PATZ1: variants seen among roughly 807,000 people sequenced by gnomAD.
The protein encoded by PATZ1 is POZ/BTB and AT hook containing zinc finger 1.
In PATZ1, 9 loss-of-function variants were observed where a neutral mutation model predicts 46.2. The observed-to-expected ratio is 0.19, with a 90% CI of 0.12 to 0.34. The LOEUF is 0.34. PATZ1 is among the 10% of genes least tolerant of loss of function. The pLI is 1.00. For synonymous variants in PATZ1, 426 were observed against 378.6 expected (o/e 1.13, Z -1.45); for missense variants, 632 against 923.0 (o/e 0.68, Z 4.08).
At chr22:31,344,256 C>T (rs762710439) in intron 1 of PATZ1, 76 bp downstream of exon 1, 7 of 1,345,666 alleles carry the variant, frequency 5.2e-6, no homozygotes, top group South Asian at 1.4e-5. Flanking sequence ...AAATCCCACA[C>T]CCCCAGATCT....
chr22:31,346,026 G>GGC lies in PATZ1; in HGVS notation c.-426_-425dup, dbSNP rs531925519. The GGC allele has an allele frequency of 0.012, 2,140 of 174,018 alleles. 50 individuals are homozygous for GGC. Among genetic ancestry groups the GGC allele is most frequent in the African/African-American group, 0.046 (1,948 of 41,948 alleles). The allele number at this position is 174,018 out of a possible 1,614,324, so 10.8% of individuals were successfully genotyped here. A position where few individuals can be genotyped will look rare whatever the true frequency, so the allele number is the denominator to read the frequency against. On this transcript the variant is annotated 5_prime_UTR_variant, in exon 1 of 5. Coordinates refer to ENST00000266269, the MANE Select transcript of PATZ1 (RefSeq NM_014323.3). ...AGGAGAAGGAGGGGTCCGCCGCGCAGGCGCGCGCGCGCGCCGCGGCTTTTC... is the reference window on the plus strand; with the variant it reads ...AGGAGAAGGAGGGGTCCGCCGCGCAGGCGCGCGCGCGCGCGCCGCGGCTTTTC...
chr22:31,341,722 C>T (rs778258771), intron 2 of PATZ1: 1 of 1,567,272 alleles, frequency 6.4e-7, no homozygotes, highest in East Asian at 2.2e-5. Context: ...CCCCCCCAGG[C>T]CACCGGGCTT....
chr22:31,331,322 C>T (rs188325737), intron 3 of PATZ1, among the ~76,000 whole-genome samples: 4 of 151,124 alleles, frequency 2.6e-5, no homozygotes, highest in Non-Finnish European at 2.9e-5. Flanking sequence ...ATGATGATAC[C>T]ACTTTAGAAG....
At position 31,345,523 on chromosome 22, in the gene PATZ1, A is replaced by G; in HGVS notation, c.80T>C (p.Leu27Pro). The G allele has an allele frequency of 6.2e-7, 1 of 1,613,324 alleles. No individual in the cohort carries two copies. The highest frequency in any genetic ancestry group is 8.5e-7 in the Non-Finnish European group (1 of 1,179,866). ...YQVSRHSTEMLHNLNQQRKNG... is the reference protein window; with the variant it reads ...YQVSRHSTEMPHNLNQQRKNG... Reference sequence around the variant, plus strand: ...TTTGCGCTGCTGGTTCAGGTTGTGCAGCATCTCCGTGCTGTGTCTGCTCAC... The same window carrying G: ...TTTGCGCTGCTGGTTCAGGTTGTGCGGCATCTCCGTGCTGTGTCTGCTCAC... Residue 27 changes from leucine (L) to proline (P), a missense_variant, in exon 1 of 5, where the codon CTG (leucine) becomes CCG (proline). This residue lies in a region of PATZ1 where 19 missense variants were observed against 71.4 expected (regional missense o/e 0.27). Coordinates refer to ENST00000266269, the MANE Select transcript of PATZ1 (RefSeq NM_014323.3). This position sits in a 1 kb window ranked among gnomAD's most constrained non-coding sequence, Gnocchi z 7.4.
At chr22:31,341,358 C>T (rs1159280599) in intron 2 of PATZ1, 3 of 1,506,606 alleles carry the variant, frequency 2.0e-6, no homozygotes, top group Admixed American at 2.3e-5. Context: ...AGGCCAAATG[C>T]CCCTCCTGTT....
chr22:31,343,202 C>A, intron 1 of PATZ1: 1 of 1,267,170 alleles, frequency 7.9e-7, no homozygotes, highest in South Asian at 1.9e-5. Flanking sequence ...GATTTTGCCT[C>A]CCCACTCCCT....
intron 2 of PATZ1, chr22:31,340,569 G>A (rs996302920): frequency 1.2e-5 from 6 of 502,170 alleles, no homozygotes; most frequent in Non-Finnish European, 1.6e-5. Context: ...CAGCAGGTCT[G>A]TGAGAGTGTA....
intron 3 of PATZ1, among the ~76,000 whole-genome samples, chr22:31,333,476 CTTTTTTTTT>C: frequency 7.8e-6 from 1 of 128,754 alleles, no homozygotes; most frequent in Middle Eastern, 4.1e-3. Flanking sequence ...TATCCTCTTC[CTTTTTTTTT>C]TTTTTTTTTT....
intron 3 of PATZ1, among the ~76,000 whole-genome samples, chr22:31,333,217 T>C (rs1421854008): frequency 6.6e-6 from 1 of 152,210 alleles, no homozygotes; most frequent in Non-Finnish European, 1.5e-5. Context: ...TATAGGTAGA[T>C]ACTTAAGTCA....
In PATZ1 at chr22:31,341,521, G is replaced by A. The variant is rs776505850; in HGVS notation, c.1335+1376C>T. ...GTGTTGCTGGAGTGTGCTGGGCCCA[G>A]GTTTTCAAGGGCTGGGAATGATTTT... On this transcript the variant is annotated intron_variant, in intron 2 of 4. Transcript: ENST00000266269. The A allele has an allele frequency of 8.1e-6, 13 of 1,613,986 alleles. No individual in the cohort carries two copies. The Admixed American group carries it at 2.0e-4, about 25-fold the overall frequency.
intron 2 of PATZ1, chr22:31,340,916 T>A (rs2049571770): frequency 9.4e-7 from 1 of 1,066,596 alleles, no homozygotes; most frequent in Non-Finnish European, 1.1e-6. Flanking sequence ...AAGCAGGATC[T>A]AGATCTGAGT....
chr22:31,346,237 G>GGGCAGC lies in PATZ1; in HGVS notation c.-636_-635insGCTGCC, dbSNP rs2049659743. The GGGCAGC allele has an allele frequency of 6.5e-6, 1 of 154,896 alleles. No homozygotes were observed. The highest frequency in any genetic ancestry group is 6.7e-5 in the Admixed American group (1 of 14,938). 9.6% of individuals were successfully genotyped at this position (154,896 alleles called of 1,614,324 possible). A position where few individuals can be genotyped will look rare whatever the true frequency, so the allele number is the denominator to read the frequency against. On this transcript the variant is annotated 5_prime_UTR_variant, in exon 1 of 5. Transcript: ENST00000266269. ...GGCGGCGGCGGCGGCTGGAGCGGGC[G>GGGCAGC]GGCGGCGGCGGCGGCAGAGTAGGCC...
intron 2 of PATZ1, chr22:31,341,155 C>T (rs1601494936): frequency 8.3e-7 from 1 of 1,204,554 alleles, no homozygotes. Flanking sequence ...CCCAGGGGTG[C>T]CATCTGTGAA....
chr22:31,337,545 G>A (rs2049526861), intron 2 of PATZ1: 1 of 152,208 alleles, frequency 6.6e-6, no homozygotes, highest in African/African-American at 2.4e-5. Flanking sequence ...AGAATATTGG[G>A]AAAGCCCTGA....
At chr22:31,341,814 G>C (rs1366879873) in intron 2 of PATZ1, 2 of 754,758 alleles carry the variant, frequency 2.6e-6, no homozygotes, top group Non-Finnish European at 4.2e-6. Flanking sequence ...TCTGTGATGA[G>C]AGAATCAGAG....
In PATZ1 at chr22:31,344,783, T is replaced by C. The variant is rs201619813; in HGVS notation, c.820A>G (p.Asn274Asp). The C allele has an allele frequency of 2.5e-4, 400 of 1,609,064 alleles. No individual in the cohort carries two copies. Among genetic ancestry groups the C allele is most frequent in the Non-Finnish European group, 3.1e-4 (367 of 1,177,478 alleles). The change falls in exon 1 of 5, where the codon AAC (asparagine) becomes GAC (aspartate). Residue 274 changes from asparagine to aspartate, a missense_variant. Asn to Asp is a conservative substitution (Grantham distance 23). Around this residue, in one of 7 missense-constraint regions of PATZ1, gnomAD observed 279 missense variants for 284.3 expected, o/e 0.98. Coordinates refer to ENST00000266269, the MANE Select transcript of PATZ1 (RefSeq NM_014323.3). ...KRGRGRPRKA[N>D]LLDSMFGSPG... ...GACCCAAACATTGAGTCCAGCAGGT[T>C]GGCCTTCCTTGGGCGGCCCCGGCCT... is the stretch of plus-strand genomic sequence containing the variant.
chr22:31,345,213 C>G lies in PATZ1; in HGVS notation c.390G>C (p.Leu130Phe). The G allele has an allele frequency of 1.2e-6, 2 of 1,613,872 alleles. No individual in the cohort carries two copies. The highest frequency in any genetic ancestry group is 1.7e-6 in the Non-Finnish European group (2 of 1,179,834). Reference protein sequence around the residue: ...FAYTSRIVVRLESFPELMTAA... With the variant: ...FAYTSRIVVRFESFPELMTAA... ...CCGTCATGAGTTCGGGAAAGCTCTC[C>G]AAGCGCACCACGATGCGGGAAGTGT... Residue 130 changes from leucine to phenylalanine, a missense_variant, in exon 1 of 5, where the codon TTG becomes TTC. Coordinates refer to ENST00000266269, the MANE Select transcript of PATZ1 (RefSeq NM_014323.3). This position sits in a 1 kb window ranked among gnomAD's most constrained non-coding sequence, Gnocchi z 7.4.
chr22:31,342,902 A>C lies in PATZ1; in HGVS notation c.1330T>G (p.Cys444Gly). ...TGCCCTGACCCAGCCCCTACCTGAC[A>C]CTTGTGAGGCCGCTCAGAAGTGTGC... ...QVHTSERPHKCQTCNASFATR... is the reference protein window; with the variant it reads ...QVHTSERPHKGQTCNASFATR... Residue 444 changes from cysteine to glycine, a missense_variant, in exon 2 of 5, where the codon TGT becomes GGT. Coordinates refer to ENST00000266269, the MANE Select transcript of PATZ1 (RefSeq NM_014323.3). The C allele has an allele frequency of 6.2e-7, 1 of 1,613,998 alleles. No individual in the cohort carries two copies. The highest frequency in any genetic ancestry group is 8.5e-7 in the Non-Finnish European group (1 of 1,179,922).
intron 2 of PATZ1, among the ~76,000 whole-genome samples, chr22:31,336,568 G>A (rs1601490359): frequency 6.6e-6 from 1 of 152,182 alleles, no homozygotes; most frequent in East Asian, 1.9e-4. Context: ...GCTTTGGGAG[G>A]CCGAGATGGG....
Sources: gnomAD v4.1 joint callset for allele counts (sites outside exome capture counted in the v4.1 genomes callset) on GRCh38, gnomAD v4.1.1 for gene constraint, gnomAD v4.1.1 regional missense constraint, Gnocchi (gnomAD v3.1) non-coding constraint, MANE v1.5 for transcripts, NCBI Gene and HGNC (gene_info 2026-07-23, HGNC 2026-07-21) for gene names.